The following PARPBP variants were observed in gnomAD, a reference collection of about 807,000 sequenced individuals.
PARPBP encodes PARP1 binding protein.
In PARPBP, 52 loss-of-function variants were observed where a neutral mutation model predicts 50.0. The ratio of observed to expected loss-of-function variants is 1.04; its 90% CI spans 0.83 to 1.31. The LOEUF (loss-of-function observed/expected upper bound fraction) is 1.31. PARPBP is among the 50% of genes most tolerant of loss of function. The pLI is 0.00. For missense variants in PARPBP, 697 were observed against 672.0 expected, an observed-to-expected ratio of 1.04 and a Z score of -0.41; for synonymous variants, 244 against 232.1, an observed-to-expected ratio of 1.05 and a Z score of -0.47.
intron 2 of PARPBP, among the ~76,000 whole-genome samples, chr12:102,140,166 T>C (rs561265529): frequency 3.3e-5 from 5 of 152,304 alleles, no homozygotes; most frequent in African/African-American, 9.6e-5. Flanking sequence ...TCAGAGCCTG[T>C]TATTGGTCTA....
chr12:102,136,524 A>T (rs1883657421), intron 2 of PARPBP, among the ~76,000 whole-genome samples: 1 of 152,222 alleles, frequency 6.6e-6, no homozygotes. Context: ...AATCCAAGTC[A>T]GTTTTTCTTC....
At chr12:102,188,443 G>C (rs983698905) in intron 9 of PARPBP, among the ~76,000 whole-genome samples, 2 of 152,060 alleles carry the variant, frequency 1.3e-5, no homozygotes, top group Non-Finnish European at 2.9e-5. Context: ...GAAGAGATAA[G>C]AACCAGAAGT....
chr12:102,140,779 G>A (rs1183178044), intron 2 of PARPBP, among the ~76,000 whole-genome samples: 1 of 152,202 alleles, frequency 6.6e-6, no homozygotes, highest in Non-Finnish European at 1.5e-5. Context: ...CAGTTTCCAT[G>A]TAGTTGAGTG....
At chr12:102,152,650 A>G (rs564995853) in intron 3 of PARPBP, among the ~76,000 whole-genome samples, 4 of 152,294 alleles carry the variant, frequency 2.6e-5, no homozygotes, top group African/African-American at 9.6e-5. Flanking sequence ...AGAGAAGGTT[A>G]TTACTTTTTC....
chr12:102,183,217 T>C (rs1479237977), intron 9 of PARPBP, among the ~76,000 whole-genome samples: 1 of 152,182 alleles, frequency 6.6e-6, no homozygotes, highest in Non-Finnish European at 1.5e-5. Flanking sequence ...CTTTAACTCA[T>C]TTATCATACT....
chr12:102,128,254 T>G (rs979769144), intron 2 of PARPBP, among the ~76,000 whole-genome samples: 1 of 152,154 alleles, frequency 6.6e-6, no homozygotes, highest in African/African-American at 2.4e-5. Flanking sequence ...GTTTTTTTGA[T>G]GGAGTCTCAC....
In PARPBP at chr12:102,195,452, T is replaced by A; in HGVS notation, c.1399+5T>A. On this transcript the variant is annotated splice_donor_5th_base_variant and intron_variant, in intron 10 of 10. Transcript: ENST00000327680. Reference sequence around the variant, plus strand: ...ACATGGAAAATGACCTTTCTGGTAATTGACCTTATTTGTGCAATTAAATAA... The same window carrying A: ...ACATGGAAAATGACCTTTCTGGTAAATGACCTTATTTGTGCAATTAAATAA... The A allele has an allele frequency of 1.3e-6, 2 of 1,573,924 alleles. No homozygotes were observed. The highest frequency in any genetic ancestry group is 1.7e-6 in the Non-Finnish European group (2 of 1,155,822).
At chr12:102,176,324 T>C (rs1889277455) in intron 7 of PARPBP, among the ~76,000 whole-genome samples, 1 of 152,184 alleles carries the variant, frequency 6.6e-6, no homozygotes. Context: ...TACTCAGATA[T>C]AAAATAAAAG....
At chr12:102,187,503 C>T (rs965439006) in intron 9 of PARPBP, among the ~76,000 whole-genome samples, 1 of 152,064 alleles carries the variant, frequency 6.6e-6, no homozygotes, top group African/African-American at 2.4e-5. Context: ...TATCCAAATG[C>T]TTTCCTTCCA....
chr12:102,120,430 G>T, intron 1 of PARPBP, 144 bp downstream of exon 1: 1 of 456,352 alleles, frequency 2.2e-6, no homozygotes, highest in South Asian at 1.5e-5. Context: ...GTGACTTGAC[G>T]CTCGAGCCTG....
At chr12:102,135,287 G>A (rs1883454544) in intron 2 of PARPBP, among the ~76,000 whole-genome samples, 3 of 152,120 alleles carry the variant, frequency 2.0e-5, no homozygotes, top group South Asian at 4.2e-4. Context: ...GCTCACGCCT[G>A]TAATCCCAGC....
intron 4 of PARPBP, 40 bp downstream of exon 4, chr12:102,154,016 C>A: frequency 1.7e-6 from 2 of 1,180,088 alleles, no homozygotes; most frequent in South Asian, 1.3e-5. Flanking sequence ...AGACTATAAT[C>A]CCTTTCAAAT....
chr12:102,159,275 C>CA (rs56009414), intron 4 of PARPBP, among the ~76,000 whole-genome samples: 39,408 of 151,958 alleles, frequency 0.26, 5,245 homozygotes, highest in East Asian at 0.42. Flanking sequence ...GGATTACAGG[C>CA]CGTGCCACCA....
intron 1 of PARPBP, among the ~76,000 whole-genome samples, chr12:102,123,441 G>T (rs1448006784): frequency 6.6e-6 from 1 of 150,910 alleles, no homozygotes; most frequent in Non-Finnish European, 1.5e-5. Flanking sequence ...CAAAAGGGTA[G>T]AAAAATAGGC....
chr12:102,149,270 C>A (rs1348659140), intron 3 of PARPBP, among the ~76,000 whole-genome samples: 2 of 152,162 alleles, frequency 1.3e-5, no homozygotes. Context: ...ATAATAGAAA[C>A]CTCCACTACA....
intron 3 of PARPBP, chr12:102,150,256 T>C (rs1197676552): frequency 2.2e-6 from 1 of 455,184 alleles, no homozygotes; most frequent in Non-Finnish European, 4.4e-6. Flanking sequence ...TACTATTGTT[T>C]GTTCTAGGGA....
intron 2 of PARPBP, among the ~76,000 whole-genome samples, chr12:102,143,338 C>A (rs968320674): frequency 1.3e-5 from 2 of 152,194 alleles, no homozygotes; most frequent in Admixed American, 1.3e-4. Context: ...ATTGGAAAAG[C>A]ACAGTATTAG....
intron 4 of PARPBP, among the ~76,000 whole-genome samples, chr12:102,155,583 T>G (rs1886761591): frequency 2.6e-5 from 1 of 38,846 alleles, no homozygotes; most frequent in African/African-American, 9.4e-5. Context: ...ATCTATCGCC[T>G]GAGAGCATGG....
chr12:102,185,619 T>A (rs1890232832), intron 9 of PARPBP, among the ~76,000 whole-genome samples: 1 of 152,136 alleles, frequency 6.6e-6, no homozygotes, highest in Admixed American at 6.6e-5. Context: ...TAAAATTCAG[T>A]AGTGAAGCCA....
Sources: gnomAD v4.1 joint callset for allele counts (sites outside exome capture counted in the v4.1 genomes callset) on GRCh38, gnomAD v4.1.1 for gene constraint, MANE v1.5 for transcripts, NCBI Gene and HGNC (gene_info 2026-07-23, HGNC 2026-07-21) for gene names.